Variants in LUC7L observed in about 807,000 individuals in gnomAD.
LUC7L encodes LUC7 like, also known as putative RNA-binding protein Luc7-like 1.
Under a neutral mutation model 51.1 loss-of-function variants are expected in LUC7L, and 29 were observed. The observed-to-expected ratio is 0.57, with a 90% CI of 0.42 to 0.77. The LOEUF is 0.77. Ranked by LOEUF, LUC7L falls within the 30% of genes least tolerant of loss-of-function variation. The pLI is 0.00. For synonymous variants in LUC7L, 181 were observed against 180.7 expected, an observed-to-expected ratio of 1.00 and a Z score of -0.01; for missense variants, 403 against 511.9, an observed-to-expected ratio of 0.79 and a Z score of 2.05.
At chr16:223,649 CTT>C (rs2050039343) in intron 2 of LUC7L, among the ~76,000 whole-genome samples, 1 of 151,744 alleles carries the variant, frequency 6.6e-6, no homozygotes, top group South Asian at 2.1e-4. Context: ...AATCTGACAA[CTT>C]TTACCTCATT....
intron 2 of LUC7L, 78 bp downstream of exon 2, chr16:227,164 T>G (rs1470565905): frequency 1.7e-6 from 2 of 1,205,284 alleles, no homozygotes. Context: ...TAAAACAAAA[T>G]TCAACATAGA....
intron 5 of LUC7L, among the ~76,000 whole-genome samples, chr16:204,128 A>G (rs1567179761): frequency 6.6e-6 from 1 of 152,074 alleles, no homozygotes; most frequent in Non-Finnish European, 1.5e-5. Flanking sequence ...CTTCACTATG[A>G]GAAAAATTAC....
chr16:225,689 T>C (rs1303245986), intron 2 of LUC7L, among the ~76,000 whole-genome samples: 1 of 151,198 alleles, frequency 6.6e-6, no homozygotes, highest in Non-Finnish European at 1.5e-5. Flanking sequence ...TTATCTATGT[T>C]GATCAGGCTG....
chr16:190,221 C>CT (rs2048976996), intron 8 of LUC7L, 86 bp from the exon 9 acceptor site: 1 of 1,191,760 alleles, frequency 8.4e-7, no homozygotes, highest in African/African-American at 1.5e-5. Context: ...CTGCTTGCTG[C>CT]TTTACTGACA....
intron 3 of LUC7L, among the ~76,000 whole-genome samples, chr16:216,332 G>A (rs919550243): frequency 6.6e-6 from 1 of 151,122 alleles, no homozygotes; most frequent in Admixed American, 6.6e-5. Flanking sequence ...GAGTGAGGAG[G>A]ACCTTTTTCT....
At chr16:221,970 T>A (rs906833757) in intron 2 of LUC7L, among the ~76,000 whole-genome samples, 2 of 152,170 alleles carry the variant, frequency 1.3e-5, no homozygotes, top group African/African-American at 2.4e-5. Context: ...TTTCTTAGCC[T>A]GGGAAATGAC....
In LUC7L at chr16:205,995, C is replaced by G. The variant is rs373775079; in HGVS notation, c.510+9G>C. The G allele has an allele frequency of 1.9e-6, 3 of 1,607,748 alleles. No individual in the cohort carries two copies. The Admixed American group carries it at 5.2e-5, about 28-fold the overall frequency. On this transcript the variant is annotated intron_variant, in intron 5 of 9. Coordinates refer to ENST00000293872, the MANE Select transcript of LUC7L (RefSeq NM_201412.3). The stretch of plus-strand genomic sequence containing the variant: ...ATTTCTCTTGCCCTAAGGCACTTAT[C>G]TCACCAACCTCAGCTTCTTTTTTCT...
At chr16:189,734 C>A (rs1314987027) in intron 9 of LUC7L, 9 of 1,388,018 alleles carry the variant, frequency 6.5e-6, no homozygotes, top group Non-Finnish European at 8.4e-6. Context: ...AGTGCACAGG[C>A]CCCAGGACGC....
chr16:229,082 C>G, intron 1 of LUC7L, 197 bp downstream of exon 1: 1 of 1,410,608 alleles, frequency 7.1e-7, no homozygotes, highest in Non-Finnish European at 9.2e-7. Context: ...GAGAGGAGCC[C>G]GACCTGGACC....
At chr16:195,575 C>G (rs1164186648) in intron 6 of LUC7L, among the ~76,000 whole-genome samples, 1 of 152,178 alleles carries the variant, frequency 6.6e-6, no homozygotes, top group African/African-American at 2.4e-5. Context: ...AGGCACACAC[C>G]ACCATGCTTG....
At chr16:210,753 C>A (rs1390602154) in intron 3 of LUC7L, among the ~76,000 whole-genome samples, 1 of 152,090 alleles carries the variant, frequency 6.6e-6, no homozygotes, top group African/African-American at 2.4e-5. Context: ...TGTCTGATAA[C>A]CTAAAAACTA....
intron 1 of LUC7L, 175 bp downstream of exon 1, chr16:229,104 C>CA: frequency 2.8e-6 from 4 of 1,414,182 alleles, no homozygotes; most frequent in Non-Finnish European, 2.7e-6. Flanking sequence ...ACGGCCGCCT[C>CA]AGAGACGCAC....
intron 6 of LUC7L, among the ~76,000 whole-genome samples, chr16:194,446 G>A (rs1234848413): frequency 6.6e-6 from 1 of 152,172 alleles, no homozygotes; most frequent in African/African-American, 2.4e-5. Context: ...TCTATTCTAA[G>A]TGGTGCTATA....
chr16:220,458 A>G, intron 3 of LUC7L, 191 bp downstream of exon 3: 1 of 532,508 alleles, frequency 1.9e-6, no homozygotes, highest in South Asian at 2.8e-5. Flanking sequence ...ATTATCATTT[A>G]GGACACTGAC....
At chr16:228,510 A>T in intron 1 of LUC7L, 1 of 1,226,310 alleles carries the variant, frequency 8.2e-7, no homozygotes, top group Non-Finnish European at 1.0e-6. Flanking sequence ...AAAAGCACTT[A>T]TTCACCTATG....
chr16:199,756 CAAAAAAAAAAAAA>C (rs11361921), intron 5 of LUC7L, among the ~76,000 whole-genome samples: 1 of 61,724 alleles, frequency 1.6e-5, no homozygotes, highest in Non-Finnish European at 2.9e-5. Context: ...AACCCTGTCT[CAAAAAAAAAAAAA>C]AAAAAAAAAA....
intron 6 of LUC7L, among the ~76,000 whole-genome samples, chr16:197,183 G>A (rs1028683331): frequency 1.3e-5 from 2 of 149,278 alleles, no homozygotes; most frequent in African/African-American, 4.9e-5. Context: ...TGGGATTACA[G>A]GAGGCTGAGC....
intron 2 of LUC7L, 41 bp from the exon 3 acceptor site, chr16:220,788 C>G: frequency 7.3e-7 from 1 of 1,368,036 alleles, no homozygotes; most frequent in Non-Finnish European, 1.0e-6. Flanking sequence ...CAGTGCCTAC[C>G]TACTGTAGAA....
rs1351579753 is a variant in LUC7L at position 199,230 on chromosome 16, G to A, written c.519C>T (p.Tyr173=). 2.5e-6 allele frequency: 4 copies of A among 1,592,098 alleles called. No homozygotes were observed. Among genetic ancestry groups the A allele is most frequent in the African/African-American group, 1.3e-5 (1 of 74,470 alleles). Residue 173 remains tyrosine (Y), a synonymous_variant, in exon 6 of 10, where the codon TAC becomes TAT. Coordinates refer to ENST00000293872, the MANE Select transcript of LUC7L (RefSeq NM_201412.3). ...RAKKKEAEEE[Y]RNSMPASSFQ... Reference sequence around the variant, plus strand: ...AACTGGATGCAGGCATGGAATTTCTGTATTCTTCCTGAAGAAGGAAAATGG... The same window carrying A: ...AACTGGATGCAGGCATGGAATTTCTATATTCTTCCTGAAGAAGGAAAATGG...
Sources: allele counts gnomAD v4.1 joint callset (sites outside exome capture counted in the v4.1 genomes callset), GRCh38; gene constraint gnomAD v4.1.1; transcripts MANE v1.5; gene names NCBI Gene and HGNC (gene_info 2026-07-23, HGNC 2026-07-21).